The following NDST3 variants were observed in gnomAD, a reference collection of about 807,000 sequenced individuals.
NDST3 encodes the protein N-deacetylase and N-sulfotransferase 3.
NDST3 carries 58 observed loss-of-function variants against 96.1 expected under a neutral mutation model. The ratio of observed to expected loss-of-function variants is 0.60; its 90% confidence interval spans 0.49 to 0.75. The LOEUF (loss-of-function observed/expected upper bound fraction) is 0.75. Ranked by LOEUF, NDST3 falls within the 30% of genes least tolerant of loss-of-function variation. The pLI is 0.00. For synonymous variants in NDST3, 333 were observed against 359.7 expected (o/e 0.93, Z 0.84); for missense variants, 788 against 1,034.2 (o/e 0.76, Z 3.27).
At chr4:118,057,261 C>G (rs145545952) in intron 2 of NDST3, among the ~76,000 whole-genome samples, 2 of 151,906 alleles carry the variant, frequency 1.3e-5, no homozygotes, top group Non-Finnish European at 2.9e-5. Context: ...ATGTGAACAA[C>G]AGTAAGTAAG....
chr4:118,238,184 A>C (rs1311618066), intron 10 of NDST3, among the ~76,000 whole-genome samples: 1 of 148,212 alleles, frequency 6.7e-6, no homozygotes, highest in Non-Finnish European at 1.5e-5. Flanking sequence ...AGAAAGAAAG[A>C]AAGAAAGAAA....
intron 5 of NDST3, among the ~76,000 whole-genome samples, chr4:118,142,612 AAGC>A (rs1038039563): frequency 1.3e-5 from 2 of 152,136 alleles, no homozygotes; most frequent in Admixed American, 1.3e-4. Context: ...TTAGGACAAT[AAGC>A]AGAAGACCTG....
At chr4:118,078,743 T>TG (rs1727783655) in intron 2 of NDST3, among the ~76,000 whole-genome samples, 2 of 45,840 alleles carry the variant, frequency 4.4e-5, no homozygotes, top group South Asian at 3.1e-3. Context: ...AGCCAGACTC[T>TG]GAAAAAAAAA....
chr4:118,045,277 C>A (rs145846384), intron 1 of NDST3, among the ~76,000 whole-genome samples: 2 of 152,072 alleles, frequency 1.3e-5, no homozygotes, highest in African/African-American at 4.8e-5. Context: ...CTCACCACCC[C>A]CTGGAGCATT....
chr4:118,093,411 A>G (rs998087843), intron 2 of NDST3, among the ~76,000 whole-genome samples: 2 of 151,834 alleles, frequency 1.3e-5, no homozygotes, highest in Non-Finnish European at 2.9e-5. Flanking sequence ...TAGTTGATGT[A>G]TTAATTCTGT....
At chr4:118,166,024 G>C (rs28889086) in intron 6 of NDST3, among the ~76,000 whole-genome samples, 1 of 151,240 alleles carries the variant, frequency 6.6e-6, no homozygotes, top group African/African-American at 2.4e-5. Context: ...AGAAAAAAAA[G>C]AGCAAACTAA....
intron 1 of NDST3, among the ~76,000 whole-genome samples, chr4:118,049,162 T>A (rs4569815): frequency 0.64 from 97,136 of 151,890 alleles, 34,425 homozygotes; most frequent in South Asian, 0.82. Context: ...ACCAAAAAAT[T>A]CTTTGAAATT....
At chr4:118,111,867 C>A (rs1730670026) in intron 3 of NDST3, among the ~76,000 whole-genome samples, 1 of 150,798 alleles carries the variant, frequency 6.6e-6, no homozygotes, top group Admixed American at 6.6e-5. Context: ...ACAACAAATG[C>A]CTGAGCTATC....
rs1024013907 is a variant in NDST3, at chr4:118,114,258, C to T, written c.1070-548C>T. 1.1e-4 allele frequency among the ~76,000 whole-genome samples: 17 copies of T among 152,148 alleles called. 1 individual carries two copies. The highest frequency in any genetic ancestry group is 1.5e-5 in the Non-Finnish European group (1 of 68,024). On this transcript the variant is annotated intron_variant, in intron 3 of 13. Coordinates refer to ENST00000296499, the MANE Select transcript of NDST3 (RefSeq NM_004784.3). The stretch of plus-strand genomic sequence containing the variant: ...TCCATCACCTTCATCCTTCAGTTTT[C>T]CCTAATTTTCTCAACAACGATTTCC...
chr4:118,081,201 G>T (rs1727980978), intron 2 of NDST3, among the ~76,000 whole-genome samples: 1 of 152,152 alleles, frequency 6.6e-6, no homozygotes. Context: ...TGGCATTATA[G>T]AAGAAGAACC....
At chr4:118,152,242 C>A (rs1182716565) in intron 6 of NDST3, among the ~76,000 whole-genome samples, 1 of 152,122 alleles carries the variant, frequency 6.6e-6, no homozygotes, top group East Asian at 1.9e-4. Flanking sequence ...TTTACACATG[C>A]ATTTGTCTTC....
intron 6 of NDST3, among the ~76,000 whole-genome samples, chr4:118,216,564 T>G (rs1739205211): frequency 6.6e-6 from 1 of 152,116 alleles, no homozygotes; most frequent in African/African-American, 2.4e-5. Context: ...TTGCTAAGAC[T>G]GTAGAGCCAG....
chr4:118,236,958 AT>A, intron 9 of NDST3, 87 bp from the exon 10 acceptor site: 1 of 1,026,918 alleles, frequency 9.7e-7, no homozygotes, highest in South Asian at 2.5e-5. Flanking sequence ...TAGGAAACAC[AT>A]GAATTTGTGG....
At chr4:118,088,093 A>T (rs1728578266) in intron 2 of NDST3, among the ~76,000 whole-genome samples, 1 of 152,040 alleles carries the variant, frequency 6.6e-6, no homozygotes, top group Non-Finnish European at 1.5e-5. Flanking sequence ...CACTAACTTG[A>T]ATTTTTTGTG....
chr4:118,187,327 A>G (rs1737027907), intron 6 of NDST3, among the ~76,000 whole-genome samples: 1 of 152,226 alleles, frequency 6.6e-6, no homozygotes, highest in African/African-American at 2.4e-5. Context: ...TACAGAGCCT[A>G]TCATGAGGGA....
chr4:118,230,716 C>A (rs1740228910), intron 8 of NDST3, among the ~76,000 whole-genome samples: 1 of 152,162 alleles, frequency 6.6e-6, no homozygotes, highest in African/African-American at 2.4e-5. Flanking sequence ...TGTTTTAAGG[C>A]AAGCTTGTGA....
rs193051720 is a variant in NDST3, at chr4:118,084,259, T to A, written c.982-20759T>A. Reference sequence around the variant, plus strand: ...AAAAATAGGTAACTATGTGAGATGATGGATATGTTATTTGCTTCACTATAG... The same window carrying A: ...AAAAATAGGTAACTATGTGAGATGAAGGATATGTTATTTGCTTCACTATAG... On this transcript the variant is annotated intron_variant, in intron 2 of 13. Transcript: ENST00000296499. Among the ~76,000 whole-genome samples the A allele has an allele frequency of 2.3e-3, 350 of 152,298 alleles. 2 individuals are homozygous for A. The highest frequency in any genetic ancestry group is 7.8e-3 in the African/African-American group (325 of 41,576).
chr4:118,045,835 C>G (rs1724732332), intron 1 of NDST3, among the ~76,000 whole-genome samples: 1 of 151,984 alleles, frequency 6.6e-6, no homozygotes, highest in Admixed American at 6.6e-5. Context: ...TAGCTTTTAG[C>G]CTGCCTTATG....
chr4:118,172,932 C>A (rs1022940435), intron 6 of NDST3, among the ~76,000 whole-genome samples: 10 of 152,142 alleles, frequency 6.6e-5, no homozygotes, highest in Admixed American at 5.9e-4. Context: ...AGGTAAAACA[C>A]TAATAATATG....
Sources: allele counts gnomAD v4.1 joint callset (sites outside exome capture counted in the v4.1 genomes callset), GRCh38; gene constraint gnomAD v4.1.1; transcripts MANE v1.5; gene names NCBI Gene and HGNC (gene_info 2026-07-23, HGNC 2026-07-21).